IRAG2: variants seen among roughly 807,000 people sequenced by gnomAD.
The protein encoded by IRAG2 is inositol 1,4,5-triphosphate receptor associated 2, also known as lymphoid restricted membrane protein.
In IRAG2, 45 loss-of-function variants were observed where a neutral mutation model predicts 69.9. The ratio of observed to expected loss-of-function variants is 0.64; its 90% CI spans 0.51 to 0.83. The LOEUF (loss-of-function observed/expected upper bound fraction) is 0.83. Among genes scored for constraint, IRAG2 ranks in the 40% least tolerant of loss-of-function variants. IRAG2 has a pLI of 0.00. For synonymous variants in IRAG2, 193 were observed against 202.4 expected (o/e 0.95, Z 0.40); for missense variants, 520 against 587.0 (o/e 0.89, Z 1.18).
At chr12:25,021,595 C>A (rs1011323571) in intron 7 of IRAG2, among the ~76,000 whole-genome samples, 8 of 152,156 alleles carry the variant, frequency 5.3e-5, no homozygotes, top group African/African-American at 1.2e-4. Context: ...GAGAAGTGAT[C>A]ATTTTTATTG....
In IRAG2 at chr12:25,080,438, G is replaced by A. The variant is rs187456751; in HGVS notation, c.244+675G>A. ...ATGATCTCAGCTCACTACAAGCTCC[G>A]CCTCCCGGGTTCACACCATTCTCCT... On this transcript the variant is annotated intron_variant, in intron 9 of 21. Transcript: ENST00000556887. 4.6e-3 allele frequency among the ~76,000 whole-genome samples: 694 copies of A among 149,766 alleles called. 8 individuals are homozygous for A. The highest frequency in any genetic ancestry group is 0.016 in the African/African-American group (657 of 40,442).
chr12:25,074,315 T>C (rs1045957414), intron 6 of IRAG2, among the ~76,000 whole-genome samples: 4 of 152,234 alleles, frequency 2.6e-5, no homozygotes, highest in African/African-American at 9.6e-5. Flanking sequence ...CACTTGCTGA[T>C]GACTAAGAAG....
Position 25,089,691 on chromosome 12 carries a change from C to T in IRAG2, c.437+14C>T. The T allele has an allele frequency of 6.2e-7, 1 of 1,607,958 alleles. No homozygotes were observed. Among genetic ancestry groups the T allele is most frequent in the Non-Finnish European group, 8.5e-7 (1 of 1,174,710 alleles). Reference sequence around the variant, plus strand: ...ACAAAGTGAGAAGTAAGTGCTTCTTCATGTAGCATGTTAACATGTTTTATT... The same window carrying T: ...ACAAAGTGAGAAGTAAGTGCTTCTTTATGTAGCATGTTAACATGTTTTATT... On this transcript the variant is annotated intron_variant, in intron 12 of 21. Transcript: ENST00000556887.
intron 16 of IRAG2, among the ~76,000 whole-genome samples, chr12:25,045,829 T>G (rs11047782): frequency 0.13 from 18,129 of 135,160 alleles, 1,250 homozygotes; most frequent in East Asian, 0.15. Context: ...CCTTCTGAAA[T>G]TCTTTACCAA....
intron 4 of IRAG2, chr12:25,015,335 T>C: frequency 8.1e-7 from 1 of 1,231,740 alleles, no homozygotes; most frequent in African/African-American, 1.5e-5. Flanking sequence ...CATAAAACTC[T>C]TGTATGTGTT....
At chr12:25,076,282 G>T in intron 6 of IRAG2, 1 of 347,106 alleles carries the variant, frequency 2.9e-6, no homozygotes, top group African/African-American at 2.2e-5. Context: ...GTATTAAATG[G>T]CTACTAAACA....
intron 4 of IRAG2, among the ~76,000 whole-genome samples, chr12:25,064,216 T>A (rs1285091410): frequency 6.6e-6 from 1 of 152,120 alleles, no homozygotes; most frequent in African/African-American, 2.4e-5. Flanking sequence ...GATGATTCCA[T>A]GGAAGAGGTT....
chr12:25,032,853 A>C (rs1944678581), intron 12 of IRAG2, among the ~76,000 whole-genome samples: 1 of 152,174 alleles, frequency 6.6e-6, no homozygotes, highest in South Asian at 2.1e-4. Flanking sequence ...TGGGGTTAGG[A>C]ATTCAATATA....
chr12:25,000,436 G>A (rs576148736), upstream of IRAG2, among the ~76,000 whole-genome samples: 3 of 151,150 alleles, frequency 2.0e-5, no homozygotes, highest in African/African-American at 7.3e-5. Flanking sequence ...GACAGAGGGG[G>A]CACCATATCA....
At chr12:24,998,690 A>T in the IRAG2 span, among the ~76,000 whole-genome samples, 19,997 of 148,234 alleles carry the variant, frequency 0.13, 1,580 homozygotes, top group Non-Finnish European at 0.19. Flanking sequence ...ACATACTTAA[A>T]TTTTTTTTTT....
chr12:25,095,731 G>A (rs1323014048), intron 14 of IRAG2, among the ~76,000 whole-genome samples: 1 of 152,080 alleles, frequency 6.6e-6, no homozygotes, highest in African/African-American at 2.4e-5. Context: ...TCTTTAAATG[G>A]TAGAATTCCC....
At chr12:25,019,399 C>T (rs1369887957) in intron 6 of IRAG2, among the ~76,000 whole-genome samples, 2 of 152,096 alleles carry the variant, frequency 1.3e-5, no homozygotes, top group Non-Finnish European at 2.9e-5. Flanking sequence ...GTGGAAGTGG[C>T]TCTCAGCAGG....
At position 25,077,888 on chromosome 12, in the gene IRAG2, C is replaced by T. The variant is rs556258898; in HGVS notation, c.25-1356C>T. 9.2e-5 allele frequency among the ~76,000 whole-genome samples: 14 copies of T among 152,218 alleles called. No homozygotes were observed. In the South Asian group the frequency reaches 2.5e-3, roughly 27 times the overall value. ...GGTATAAATCCTCGCTTTGCAAGTTCGATTGTAGATTTTTCTAAACATTTG... is the reference window on the plus strand; with the variant it reads ...GGTATAAATCCTCGCTTTGCAAGTTTGATTGTAGATTTTTCTAAACATTTG... On this transcript the variant is annotated intron_variant, in intron 6 of 21. Coordinates refer to ENST00000556887, the MANE Select transcript of IRAG2 (RefSeq NM_001366544.2).
At chr12:25,034,755 G>C (rs1195029131) in intron 13 of IRAG2, among the ~76,000 whole-genome samples, 4 of 152,242 alleles carry the variant, frequency 2.6e-5, no homozygotes, top group Non-Finnish European at 4.4e-5. Flanking sequence ...CTTGAAAGGA[G>C]AGAAAGAATG....
At chr12:25,077,266 A>ATATATG (rs1946794073) in intron 6 of IRAG2, among the ~76,000 whole-genome samples, 7 of 32,852 alleles carry the variant, frequency 2.1e-4, no homozygotes, top group African/African-American at 6.9e-4. Context: ...ATATATATGA[A>ATATATG]ATATATATGA....
At chr12:25,099,029 C>G (rs1301333377) in intron 15 of IRAG2, among the ~76,000 whole-genome samples, 1 of 152,130 alleles carries the variant, frequency 6.6e-6, no homozygotes, top group African/African-American at 2.4e-5. Context: ...GCAGTTCTAC[C>G]CCTTCTCCTG....
chr12:25,052,221 T>TG (rs1284206879), upstream of IRAG2: 1 of 389,646 alleles, frequency 2.6e-6, no homozygotes, highest in Non-Finnish European at 4.5e-6. Flanking sequence ...TTTTTTTTTT[T>TG]TTTTTAACTC....
chr12:25,033,991 C>A, intron 13 of IRAG2: 1 of 398,694 alleles, frequency 2.5e-6, no homozygotes, highest in African/African-American at 2.1e-5. Context: ...AGATAACTAC[C>A]CCATGTGATA....
exon 9 of IRAG2, chr12:25,026,806 G>A (rs894245988): frequency 1.7e-5 from 21 of 1,226,538 alleles, no homozygotes; most frequent in Non-Finnish European, 2.1e-5. Context: ...AGAACATCAT[G>A]GATATAGACA....
Sources: gnomAD v4.1 joint callset for allele counts (sites outside exome capture counted in the v4.1 genomes callset) on GRCh38, gnomAD v4.1.1 for gene constraint, MANE v1.5 for transcripts, NCBI Gene and HGNC (gene_info 2026-07-23, HGNC 2026-07-21) for gene names.